SAMMSON: variants seen among roughly 807,000 people sequenced by gnomAD.
SAMMSON encodes long intergenic non-protein coding RNA 1212.
chr3:70,287,814 C>T (rs1233630884), intron 6 of SAMMSON, among the ~76,000 whole-genome samples: 1 of 150,778 alleles, frequency 6.6e-6, no homozygotes, highest in Non-Finnish European at 1.5e-5. Flanking sequence ...GGAATTTATC[C>T]ATTTCTTCTA....
At chr3:70,051,274 C>T (rs1372831037) in intron 3 of SAMMSON, among the ~76,000 whole-genome samples, 1 of 149,946 alleles carries the variant, frequency 6.7e-6, no homozygotes. Flanking sequence ...TAATATGAAT[C>T]CTACACTTTG....
intron 7 of SAMMSON, among the ~76,000 whole-genome samples, chr3:70,321,923 A>T (rs1421512901): frequency 6.6e-6 from 1 of 152,076 alleles, no homozygotes; most frequent in Admixed American, 6.6e-5. Context: ...AACGTGAAGT[A>T]TTACTTTGTT....
chr3:70,048,380 T>C (rs911742114), intron 3 of SAMMSON, among the ~76,000 whole-genome samples: 2 of 152,152 alleles, frequency 1.3e-5, no homozygotes, highest in African/African-American at 4.8e-5. Context: ...AGGACTTACC[T>C]TGAGAGGTTT....
chr3:70,219,970 A>G (rs2106736012), intron 4 of SAMMSON, among the ~76,000 whole-genome samples: 1 of 152,282 alleles, frequency 6.6e-6, no homozygotes, highest in East Asian at 1.9e-4. Context: ...AGTGTGCTCC[A>G]CTGCCTAAAA....
chr3:70,338,206 C>T (rs528041890), intron 7 of SAMMSON, among the ~76,000 whole-genome samples: 1 of 151,996 alleles, frequency 6.6e-6, no homozygotes, highest in Non-Finnish European at 1.5e-5. Flanking sequence ...CACATGTAAA[C>T]TCTCTGATGC....
intron 1 of SAMMSON, among the ~76,000 whole-genome samples, chr3:70,001,453 G>GTTTT (rs200222434): frequency 3.9e-5 from 5 of 128,820 alleles, no homozygotes; most frequent in Non-Finnish European, 6.8e-5. Context: ...TGTTTCTAGT[G>GTTTT]TTTTTTTTTT....
At chr3:70,164,903 C>T (rs1161989528) in intron 4 of SAMMSON, among the ~76,000 whole-genome samples, 1 of 152,032 alleles carries the variant, frequency 6.6e-6, no homozygotes, top group Non-Finnish European at 1.5e-5. Flanking sequence ...AAAAAGAAAA[C>T]TTACAAACTG....
intron 2 of SAMMSON, among the ~76,000 whole-genome samples, chr3:70,412,390 A>G (rs1208055819): frequency 2.0e-5 from 3 of 152,228 alleles, no homozygotes; most frequent in African/African-American, 7.2e-5. Context: ...CAAAACAAAT[A>G]AAAGACTAAA....
intron 4 of SAMMSON, among the ~76,000 whole-genome samples, chr3:70,081,561 A>G (rs1175398402): frequency 6.6e-6 from 1 of 152,214 alleles, no homozygotes; most frequent in East Asian, 1.9e-4. Context: ...GCAGGCACTC[A>G]ATGAATATAC....
chr3:70,008,359 C>T (rs2066938796), intron 1 of SAMMSON, among the ~76,000 whole-genome samples: 1 of 152,182 alleles, frequency 6.6e-6, no homozygotes, highest in Admixed American at 6.6e-5. Context: ...AGAGGTCCTT[C>T]ACATCCCTTG....
intron 7 of SAMMSON, among the ~76,000 whole-genome samples, chr3:70,305,813 G>A (rs1041252977): frequency 5.9e-5 from 9 of 152,068 alleles, no homozygotes; most frequent in African/African-American, 1.4e-4. Flanking sequence ...CAGTTTCTTC[G>A]TCTTATTTGA....
intron 4 of SAMMSON, among the ~76,000 whole-genome samples, chr3:70,244,734 T>C (rs1036169594): frequency 6.6e-6 from 1 of 152,218 alleles, no homozygotes; most frequent in East Asian, 1.9e-4. Context: ...TATGCTCTTA[T>C]GAATAAAATG....
chr3:70,355,632 A>C (rs1265554433), intron 8 of SAMMSON, among the ~76,000 whole-genome samples: 1 of 152,190 alleles, frequency 6.6e-6, no homozygotes, highest in African/African-American at 2.4e-5. Flanking sequence ...AAATCTTTGG[A>C]GTGAGCTAAA....
intron 2 of SAMMSON, among the ~76,000 whole-genome samples, chr3:70,433,817 G>A (rs1262613968): frequency 3.3e-5 from 5 of 152,094 alleles, no homozygotes; most frequent in Non-Finnish European, 1.5e-5. Context: ...TACTTTTTAT[G>A]AAAGATGTAA....
chr3:70,339,238 T>G (rs1323611027), intron 7 of SAMMSON, among the ~76,000 whole-genome samples: 2 of 152,110 alleles, frequency 1.3e-5, no homozygotes, highest in African/African-American at 4.8e-5. Flanking sequence ...TTACACCTTA[T>G]ACAAAAATTA....
chr3:70,211,301 C>G (rs1354437759), intron 4 of SAMMSON, among the ~76,000 whole-genome samples: 1 of 121,878 alleles, frequency 8.2e-6, no homozygotes, highest in East Asian at 2.8e-4. Flanking sequence ...CTTCCCTTCC[C>G]TTTGCCTTTC....
chr3:70,076,448 A>C (rs896820984), intron 4 of SAMMSON, among the ~76,000 whole-genome samples: 4 of 152,132 alleles, frequency 2.6e-5, no homozygotes, highest in Admixed American at 2.6e-4. Context: ...CATTTGCAAG[A>C]GGCAATTCTT....
chr3:70,100,657 A>G (rs2067341080), intron 4 of SAMMSON, among the ~76,000 whole-genome samples: 1 of 152,182 alleles, frequency 6.6e-6, no homozygotes, highest in African/African-American at 2.4e-5. Flanking sequence ...GCCTAAAGTG[A>G]ACGTGAATCT....
At chr3:70,174,226 A>G (rs1262478631) in intron 4 of SAMMSON, among the ~76,000 whole-genome samples, 1 of 152,026 alleles carries the variant, frequency 6.6e-6, no homozygotes, top group Non-Finnish European at 1.5e-5. Flanking sequence ...GTTTATTAAG[A>G]TGGTATGAAG....
Sources: gnomAD v4.1 joint callset for allele counts (sites outside exome capture counted in the v4.1 genomes callset) on GRCh38, gnomAD v4.1.1 for gene constraint, MANE v1.5 for transcripts, NCBI Gene and HGNC (gene_info 2026-07-23, HGNC 2026-07-21) for gene names.